Variants in TENM3 observed in about 807,000 individuals in gnomAD.
TENM3 encodes the protein teneurin-3.
Under a neutral mutation model 255.1 loss-of-function variants are expected in TENM3, and 63 were observed. That is an observed-to-expected ratio of 0.25 (90% CI 0.20 to 0.30). The LOEUF is 0.30. Among genes scored for constraint, TENM3 ranks in the 10% least tolerant of loss-of-function variants. TENM3 has a pLI of 1.00. For synonymous variants in TENM3, 1,306 were observed against 1,322.3 expected, an observed-to-expected ratio of 0.99 and a Z score of 0.27; for missense variants, 2,929 against 3,461.1, an observed-to-expected ratio of 0.85 and a Z score of 3.86.
chr4:181,815,462 C>CAAA, the TENM3 span, among the ~76,000 whole-genome samples: 393 of 82,030 alleles, frequency 4.8e-3, 11 homozygotes, highest in African/African-American at 0.017. Context: ...GACTCCCTAT[C>CAAA]AAAAAAAAAA....
the TENM3 span, among the ~76,000 whole-genome samples, chr4:181,972,977 G>T: frequency 6.6e-6 from 1 of 152,180 alleles, no homozygotes; most frequent in African/African-American, 2.4e-5. Context: ...CAGACCTTGA[G>T]GTATGAATCT....
chr4:181,865,812 T>C, the TENM3 span, among the ~76,000 whole-genome samples: 1 of 152,132 alleles, frequency 6.6e-6, no homozygotes, highest in Admixed American at 6.5e-5. Context: ...ATGATTCTTA[T>C]CAAAATCCCC....
the TENM3 span, among the ~76,000 whole-genome samples, chr4:181,521,063 C>G: frequency 1.3e-5 from 2 of 152,204 alleles, no homozygotes; most frequent in African/African-American, 4.8e-5. Context: ...CAGCTCTCCT[C>G]AATGGGAAGC....
chr4:181,954,226 T>C, the TENM3 span, among the ~76,000 whole-genome samples: 1 of 152,224 alleles, frequency 6.6e-6, no homozygotes, highest in Non-Finnish European at 1.5e-5. Context: ...ATAGAGTTGC[T>C]ATGTTCATTT....
chr4:182,284,379 A>T (rs535155173), intron 1 of TENM3, among the ~76,000 whole-genome samples: 69 of 152,338 alleles, frequency 4.5e-4, no homozygotes, highest in African/African-American at 1.5e-3. Flanking sequence ...TTGGTTTTTT[A>T]AAAATGTGGG....
the TENM3 span, among the ~76,000 whole-genome samples, chr4:181,819,122 A>G: frequency 6.6e-6 from 1 of 152,244 alleles, no homozygotes; most frequent in South Asian, 2.1e-4. Flanking sequence ...CTTCCTGGCT[A>G]TGCCTCTTGT....
intron 3 of TENM3, among the ~76,000 whole-genome samples, chr4:182,390,551 G>A (rs935269678): frequency 6.6e-6 from 1 of 152,122 alleles, no homozygotes; most frequent in East Asian, 1.9e-4. Flanking sequence ...CTACAAGATC[G>A]TTAGCCATGG....
At chr4:181,737,605 C>T in the TENM3 span, among the ~76,000 whole-genome samples, 8 of 152,162 alleles carry the variant, frequency 5.3e-5, no homozygotes, top group Admixed American at 4.6e-4. Context: ...AAAATAACTG[C>T]ATTCAGTGTC....
chr4:181,642,831 T>C, the TENM3 span, among the ~76,000 whole-genome samples: 1 of 152,302 alleles, frequency 6.6e-6, no homozygotes, highest in South Asian at 2.1e-4. Flanking sequence ...GCGGTATTAT[T>C]TCTGAGGGCT....
chr4:181,849,491 A>T, the TENM3 span, among the ~76,000 whole-genome samples: 1 of 152,218 alleles, frequency 6.6e-6, no homozygotes, highest in Non-Finnish European at 1.5e-5. Context: ...CTCTAGAGAA[A>T]ATGATTAATT....
chr4:181,870,433 T>C, the TENM3 span, among the ~76,000 whole-genome samples: 1 of 152,168 alleles, frequency 6.6e-6, no homozygotes, highest in Non-Finnish European at 1.5e-5. Flanking sequence ...TAGAAATGGA[T>C]GAGCACTCCA....
the TENM3 span, among the ~76,000 whole-genome samples, chr4:181,724,134 C>G: frequency 6.6e-6 from 1 of 152,192 alleles, no homozygotes; most frequent in African/African-American, 2.4e-5. Flanking sequence ...TCATGTTGCC[C>G]TGTGGCGTTT....
chr4:182,680,098 A>G (rs918962576), intron 8 of TENM3, 150 bp from the exon 9 acceptor site: 1 of 734,732 alleles, frequency 1.4e-6, no homozygotes, highest in African/African-American at 1.8e-5. Context: ...AGAATATGTC[A>G]TGAAACACTT....
intron 3 of TENM3, among the ~76,000 whole-genome samples, chr4:182,592,826 T>C (rs1251284609): frequency 6.6e-6 from 1 of 152,220 alleles, no homozygotes; most frequent in Non-Finnish European, 1.5e-5. Flanking sequence ...TAAGTTTTGT[T>C]TGAGACGAGA....
chr4:182,385,328 G>C (rs891305567), intron 3 of TENM3, among the ~76,000 whole-genome samples: 15 of 132,642 alleles, frequency 1.1e-4, no homozygotes, highest in African/African-American at 3.4e-4. Flanking sequence ...GCAGAGGCAC[G>C]ATCTCCACTC....
chr4:182,621,773 T>TTA (rs1451604076), intron 4 of TENM3, among the ~76,000 whole-genome samples: 1 of 61,134 alleles, frequency 1.6e-5, no homozygotes, highest in East Asian at 4.4e-4. Flanking sequence ...TAATTATATA[T>TTA]TATATATAAT....
At chr4:182,116,511 T>A in the TENM3 span, among the ~76,000 whole-genome samples, 2 of 152,048 alleles carry the variant, frequency 1.3e-5, no homozygotes, top group Non-Finnish European at 2.9e-5. Flanking sequence ...GATGACATGG[T>A]TTTATAAGTG....
At chr4:181,961,174 CT>C in the TENM3 span, among the ~76,000 whole-genome samples, 1,915 of 149,066 alleles carry the variant, frequency 0.013, 49 homozygotes, top group African/African-American at 0.048. Flanking sequence ...CTGATGCTTG[CT>C]GTCAACTTGT....
chr4:181,850,990 C>T, the TENM3 span, among the ~76,000 whole-genome samples: 5 of 148,522 alleles, frequency 3.4e-5, no homozygotes, highest in African/African-American at 2.5e-5. Context: ...AGGGGACAGA[C>T]GGGATAAAGC....
Sources: gnomAD v4.1 joint callset for allele counts (sites outside exome capture counted in the v4.1 genomes callset) on GRCh38, gnomAD v4.1.1 for gene constraint, MANE v1.5 for transcripts, NCBI Gene and HGNC (gene_info 2026-07-23, HGNC 2026-07-21) for gene names.